The following CELF2 variants were observed in gnomAD, a reference collection of about 807,000 sequenced individuals.
CELF2 encodes CUG triplet repeat RNA-binding protein 2.
In CELF2, 8 loss-of-function variants were observed where a neutral mutation model predicts 62.6. The observed-to-expected ratio is 0.13, with a 90% CI of 0.07 to 0.23. CELF2 has a LOEUF of 0.23. Among genes scored for constraint, CELF2 ranks in the 10% least tolerant of loss-of-function variants. The probability of loss-of-function intolerance (pLI) is 1.00; values close to 1 mark genes in which losing one functional copy is unlikely to be tolerated. For synonymous variants in CELF2, 258 were observed against 250.0 expected, an observed-to-expected ratio of 1.03 and a Z score of -0.30; for missense variants, 333 against 671.0, an observed-to-expected ratio of 0.50 and a Z score of 5.56.
intron 1 of CELF2, among the ~76,000 whole-genome samples, chr10:11,160,567 A>G (rs1236803609): frequency 6.6e-6 from 1 of 151,592 alleles, no homozygotes; most frequent in African/African-American, 2.4e-5. Context: ...AGTGGCCACC[A>G]TATTGGACTG....
At chr10:10,646,597 G>C in the CELF2 span, among the ~76,000 whole-genome samples, 1 of 152,086 alleles carries the variant, frequency 6.6e-6, no homozygotes, top group Non-Finnish European at 1.5e-5. Context: ...TACATGTTTT[G>C]AAAATGACTG....
At chr10:10,952,255 CT>C (rs1257019880) in intron 2 of CELF2, 4 of 152,224 alleles carry the variant, frequency 2.6e-5, no homozygotes, top group Admixed American at 6.5e-5. Context: ...TCCTTCCCCC[CT>C]GAAGTTCCGC....
rs1016077900 is a variant in CELF2 at position 11,306,994 on chromosome 10, T to C, written c.977-7145T>C. Among the ~76,000 whole-genome samples, 13 of 152,322 alleles carry C rather than the reference T, an allele frequency of 8.5e-5. No individual in the cohort carries two copies. The highest frequency in any genetic ancestry group is 4.1e-4 in the South Asian group (2 of 4,832). On this transcript the variant is annotated intron_variant, in intron 9 of 12. Transcript: ENST00000633077. The surrounding 1 kb of genome is among the most constrained non-coding windows in gnomAD (Gnocchi z 4.4). ...TAGGCTGCCCCATGCTCATAGGCTG[T>C]GCGTGTATCTGTGCCTAAGGAGTTC...
chr10:11,089,719 C>A (rs982458808), intron 1 of CELF2, among the ~76,000 whole-genome samples: 1 of 152,188 alleles, frequency 6.6e-6, no homozygotes, highest in African/African-American at 2.4e-5. Flanking sequence ...CAAAAATATA[C>A]ATGCCCTCAT....
chr10:10,513,319 C>A, the CELF2 span, among the ~76,000 whole-genome samples: 1 of 152,108 alleles, frequency 6.6e-6, no homozygotes, highest in Non-Finnish European at 1.5e-5. Context: ...CCCATCTAGT[C>A]CTGCTAGACC....
chr10:10,711,610 G>A, the CELF2 span, among the ~76,000 whole-genome samples: 1 of 152,156 alleles, frequency 6.6e-6, no homozygotes, highest in Non-Finnish European at 1.5e-5. Context: ...GTGCAGGCAC[G>A]GTGGCTCACG....
intron 1 of CELF2, among the ~76,000 whole-genome samples, chr10:10,841,573 A>C (rs1484690124): frequency 6.7e-6 from 1 of 148,594 alleles, no homozygotes; most frequent in East Asian, 2.0e-4. Context: ...TATGGCCTAT[A>C]TTTGTGTTTG....
At chr10:10,570,604 A>C in the CELF2 span, among the ~76,000 whole-genome samples, 2 of 152,152 alleles carry the variant, frequency 1.3e-5, no homozygotes, top group Non-Finnish European at 2.9e-5. Flanking sequence ...TAAATTACTA[A>C]AATTAAAAAT....
chr10:11,304,008 A>G (rs1446911930), intron 9 of CELF2, among the ~76,000 whole-genome samples: 2 of 152,252 alleles, frequency 1.3e-5, no homozygotes, highest in African/African-American at 4.8e-5. Context: ...CTTTATTCCC[A>G]GTACGGTGGA....
chr10:10,953,576 A>G (rs1380551202), intron 2 of CELF2, among the ~76,000 whole-genome samples: 1 of 152,220 alleles, frequency 6.6e-6, no homozygotes, highest in Non-Finnish European at 1.5e-5. Context: ...AAGAAGTTAG[A>G]GCCATACCTT....
At chr10:10,475,192 TG>T in the CELF2 span, among the ~76,000 whole-genome samples, 1 of 152,138 alleles carries the variant, frequency 6.6e-6, no homozygotes, top group African/African-American at 2.4e-5. Flanking sequence ...TACATTACCC[TG>T]TACGTCTCTG....
At chr10:11,275,225 G>A (rs955265155) in intron 8 of CELF2, 105 bp downstream of exon 8, 7 of 1,115,026 alleles carry the variant, frequency 6.3e-6, no homozygotes, top group Non-Finnish European at 9.5e-6. Context: ...CAAGAATGAT[G>A]ATCAGACTTG....
At chr10:10,579,560 G>T in the CELF2 span, among the ~76,000 whole-genome samples, 2 of 152,100 alleles carry the variant, frequency 1.3e-5, no homozygotes, top group Non-Finnish European at 2.9e-5. Context: ...GATAGATACA[G>T]ATGTATAAAT....
At chr10:11,079,750 C>CGCCCT (rs1554822798) in intron 1 of CELF2, among the ~76,000 whole-genome samples, 10 of 146,068 alleles carry the variant, frequency 6.8e-5, no homozygotes, top group Non-Finnish European at 1.5e-4. Flanking sequence ...AGCCCCCCCC[C>CGCCCT]CCTTTTTAGG....
the CELF2 span, among the ~76,000 whole-genome samples, chr10:10,734,952 C>T: frequency 6.6e-6 from 1 of 152,174 alleles, no homozygotes; most frequent in African/African-American, 2.4e-5. Flanking sequence ...ATGAAGAGTC[C>T]TGAAGCTCAG....
intron 1 of CELF2, among the ~76,000 whole-genome samples, chr10:10,917,575 A>C (rs2064468464): frequency 6.6e-6 from 1 of 152,178 alleles, no homozygotes; most frequent in Admixed American, 6.5e-5. Flanking sequence ...TCCTGGGCTC[A>C]AGCCGTCCTC....
Position 11,079,740 on chromosome 10 carries a change from A to G in CELF2, c.74+61577A>G, listed in dbSNP as rs568271117. On this transcript the variant is annotated intron_variant, in intron 1 of 12. Transcript: ENST00000633077. ...TAGCAGTGTGAGAATGGACTAATAC[A>G]GCCCCCCCCCCCTTTTTAGGCCATG... 5.1e-5 allele frequency among the ~76,000 whole-genome samples: 4 copies of G among 78,228 alleles called. No homozygotes were observed. In the Admixed American group the frequency reaches 5.3e-4, roughly 10 times the overall value. The allele number at this position is 78,228 out of a possible 152,430, so 51.3% of individuals were successfully genotyped here.
the CELF2 span, among the ~76,000 whole-genome samples, chr10:10,720,376 C>G: frequency 2.6e-5 from 4 of 152,198 alleles, no homozygotes; most frequent in Non-Finnish European, 4.4e-5. Context: ...GGAGATGGCT[C>G]TCATTGCCAG....
chr10:10,741,773 C>G, the CELF2 span, among the ~76,000 whole-genome samples: 1 of 152,146 alleles, frequency 6.6e-6, no homozygotes, highest in Non-Finnish European at 1.5e-5. Context: ...TACTATTTTT[C>G]TCTTGAAATT....
Sources: allele counts gnomAD v4.1 joint callset (sites outside exome capture counted in the v4.1 genomes callset), GRCh38; gene constraint gnomAD v4.1.1; non-coding constraint Gnocchi (gnomAD v3.1); transcripts MANE v1.5; gene names NCBI Gene and HGNC (gene_info 2026-07-23, HGNC 2026-07-21).